KLHL24: variants seen among roughly 807,000 people sequenced by gnomAD.
KLHL24 encodes the protein kelch like family member 24.
Under a neutral mutation model 53.4 loss-of-function variants are expected in KLHL24, and 29 were observed. The ratio of observed to expected loss-of-function variants is 0.54; its 90% CI spans 0.40 to 0.74. The LOEUF is 0.74. KLHL24 is among the 30% of genes least tolerant of loss of function. KLHL24 has a pLI of 0.00. For missense variants in KLHL24, 504 were observed against 744.0 expected, an observed-to-expected ratio of 0.68 and a Z score of 3.75; for synonymous variants, 222 against 253.7, an observed-to-expected ratio of 0.88 and a Z score of 1.19.
At chr3:183,649,580 A>G (rs1576904299) in intron 2 of KLHL24, among the ~76,000 whole-genome samples, 1 of 152,088 alleles carries the variant, frequency 6.6e-6, no homozygotes, top group African/African-American at 2.4e-5. Context: ...AAGGCTATTG[A>G]TAGATATAGC....
Position 183,683,352 on chromosome 3 carries a change from CAG to C in KLHL24, c.*4069_*4070del, listed in dbSNP as rs1013590209. On this transcript the variant is annotated 3_prime_UTR_variant, in exon 8 of 8. Transcript: ENST00000242810. ...AACTCAAGACACCAGTTAACCTCAA[CAG>C]AGTTTTGGCCTTATTAGAATTTGTT... The C allele has an allele frequency of 9.8e-5, 15 of 152,626 alleles. No homozygotes were observed. Among genetic ancestry groups the C allele is most frequent in the African/African-American group, 3.4e-4 (14 of 41,454 alleles). 9.5% of individuals were successfully genotyped at this position (152,626 alleles called of 1,614,324 possible). A position where few individuals can be genotyped will look rare whatever the true frequency, so the allele number is the denominator to read the frequency against.
rs143321770 is a variant in KLHL24 at position 183,654,831 on chromosome 3, G to C, written c.920+3555G>C. On this transcript the variant is annotated intron_variant, in intron 3 of 7. Transcript: ENST00000242810. Reference sequence around the variant, plus strand: ...TGCTTCCTTATGGCATCATTTAGCTGTGTTTCCTGGAAACTGGAAGTTGGT... The same window carrying C: ...TGCTTCCTTATGGCATCATTTAGCTCTGTTTCCTGGAAACTGGAAGTTGGT... Among the ~76,000 whole-genome samples the C allele has an allele frequency of 1.6e-4, 24 of 152,284 alleles. No individual in the cohort carries two copies. The East Asian group carries it at 4.4e-3, about 28-fold the overall frequency.
intron 3 of KLHL24, among the ~76,000 whole-genome samples, chr3:183,662,898 T>A (rs1393737282): frequency 6.6e-6 from 1 of 152,216 alleles, no homozygotes; most frequent in Non-Finnish European, 1.5e-5. Context: ...TGTTAGCCTT[T>A]TTAGTGATTG....
chr3:183,669,863 A>G (rs571277085), intron 5 of KLHL24, among the ~76,000 whole-genome samples: 1 of 152,274 alleles, frequency 6.6e-6, no homozygotes, highest in South Asian at 2.1e-4. Flanking sequence ...AGGAAGGGGT[A>G]TATGTGAAAG....
Position 183,661,308 on chromosome 3 carries a change from A to G in KLHL24, c.921-2150A>G, listed in dbSNP as rs1435460264. ...CATTCACTCTCTAGAAATAGATTAC[A>G]TGGGTGTCCAGAATTTTATTTATGC... On this transcript the variant is annotated intron_variant, in intron 3 of 7. Transcript: ENST00000242810. Among the ~76,000 whole-genome samples, 7 of 152,242 alleles carry G rather than the reference A, an allele frequency of 4.6e-5. No homozygotes were observed. In the South Asian group the frequency reaches 1.2e-3, roughly 27 times the overall value.
intron 2 of KLHL24, chr3:183,644,262 G>A (rs73174014): frequency 0.033 from 5,007 of 151,936 alleles, 121 homozygotes; most frequent in Non-Finnish European, 0.051. Flanking sequence ...GTATAAAATG[G>A]GAAGGCAAAA....
At chr3:183,638,418 A>G (rs1715733660) in intron 1 of KLHL24, among the ~76,000 whole-genome samples, 1 of 148,768 alleles carries the variant, frequency 6.7e-6, no homozygotes, top group South Asian at 2.1e-4. Context: ...AATACTATTA[A>G]TCAAATAAGT....
At chr3:183,638,203 G>T (rs954287224) in intron 1 of KLHL24, among the ~76,000 whole-genome samples, 20 of 152,302 alleles carry the variant, frequency 1.3e-4, no homozygotes, top group Admixed American at 1.2e-3. Flanking sequence ...CTCAGTAAAG[G>T]CTTGCTTATT....
intron 2 of KLHL24, among the ~76,000 whole-genome samples, chr3:183,648,771 G>C (rs1472626406): frequency 1.3e-5 from 2 of 152,146 alleles, no homozygotes; most frequent in African/African-American, 4.8e-5. Flanking sequence ...GGAGGCCAAG[G>C]TGGGCAGATC....
At chr3:183,653,946 C>T (rs773535409) in intron 3 of KLHL24, among the ~76,000 whole-genome samples, 9 of 152,128 alleles carry the variant, frequency 5.9e-5, no homozygotes, top group Non-Finnish European at 1.2e-4. Flanking sequence ...ATTATCTGAA[C>T]AATGTGTATT....
Position 183,650,018 on chromosome 3 carries a change from G to T in KLHL24, c.-61-278G>T, listed in dbSNP as rs937327701. ...AGTATGAAACTCAGCTCTGTAAATGGGGAGGAAACGGAAGGTTATTAGTAA... is the reference window on the plus strand; with the variant it reads ...AGTATGAAACTCAGCTCTGTAAATGTGGAGGAAACGGAAGGTTATTAGTAA... On this transcript the variant is annotated intron_variant, in intron 2 of 7. Coordinates refer to ENST00000242810, the MANE Select transcript of KLHL24 (RefSeq NM_017644.3). This position sits in a 1 kb window ranked among gnomAD's most constrained non-coding sequence, Gnocchi z 4.5. Among the ~76,000 whole-genome samples the T allele has an allele frequency of 6.6e-6, 1 of 152,156 alleles. No individual in the cohort carries two copies. Among genetic ancestry groups the T allele is most frequent in the African/African-American group, 2.4e-5 (1 of 41,440 alleles).
chr3:183,636,033 C>G (rs1285464414), intron 1 of KLHL24, among the ~76,000 whole-genome samples: 1 of 152,114 alleles, frequency 6.6e-6, no homozygotes, highest in Non-Finnish European at 1.5e-5. Context: ...CCTCCTGGCA[C>G]TACGGCCCGG....
intron 1 of KLHL24, among the ~76,000 whole-genome samples, chr3:183,641,167 T>C (rs1716362147): frequency 6.6e-6 from 1 of 152,184 alleles, no homozygotes; most frequent in Non-Finnish European, 1.5e-5. Context: ...GTATAGTACC[T>C]TATTATATAT....
rs758769482 is a variant in KLHL24, at chr3:183,679,244, T to C, written c.1761T>C (p.Cys587=). ...CCAGGCCAGTGTCCTATCATGGCTGTGTGACTATTCATAGATACAATGAGA... is the reference window on the plus strand; with the variant it reads ...CCAGGCCAGTGTCCTATCATGGCTGCGTGACTATTCATAGATACAATGAGA... ...AMPRPVSYHG[C]VTIHRYNEKC... is the part of the protein sequence containing the mutation. The change falls in exon 8 of 8, where the codon TGT becomes TGC. Residue 587 remains cysteine, a synonymous_variant. Coordinates refer to ENST00000242810, the MANE Select transcript of KLHL24 (RefSeq NM_017644.3). 4.3e-6 allele frequency: 7 copies of C among 1,613,984 alleles called. No individual in the cohort carries two copies. Among genetic ancestry groups the C allele is most frequent in the South Asian group, 2.2e-5 (2 of 91,090 alleles).
Position 183,644,029 on chromosome 3 carries a change from CTTTCCTTTTTTTTTTTTT to C in KLHL24, c.-62+491_-62+508del, listed in dbSNP as rs1716860770. ...TTTGAGATGATAGGATAACATTTTTCTTTCCTTTTTTTTTTTTTTTTTTTTTTTTTGAGACGGAGTCTT... is the reference window on the plus strand; with the variant it reads ...TTTGAGATGATAGGATAACATTTTTCTTTTTTTTTTTTGAGACGGAGTCTT... On this transcript the variant is annotated intron_variant, in intron 2 of 7. Transcript: ENST00000242810. 1.8e-4 allele frequency: 17 copies of C among 95,802 alleles called. 1 individual carries two copies. Among genetic ancestry groups the C allele is most frequent in the African/African-American group, 7.2e-4 (17 of 23,580 alleles). 5.9% of individuals were successfully genotyped at this position (95,802 alleles called of 1,614,324 possible). A position where few individuals can be genotyped will look rare whatever the true frequency, so the allele number is the denominator to read the frequency against.
chr3:183,668,738 C>G (rs1268932540), intron 5 of KLHL24, among the ~76,000 whole-genome samples: 3 of 152,160 alleles, frequency 2.0e-5, no homozygotes, highest in Non-Finnish European at 4.4e-5. Flanking sequence ...AACCCTGTCT[C>G]TACAAAAATA....
intron 6 of KLHL24, among the ~76,000 whole-genome samples, chr3:183,672,029 T>C (rs1721397225): frequency 6.6e-6 from 1 of 152,188 alleles, no homozygotes. Context: ...ATTTAGACTG[T>C]TAATTTTAGT....
At chr3:183,657,813 A>G (rs975800790) in intron 3 of KLHL24, among the ~76,000 whole-genome samples, 1 of 152,204 alleles carries the variant, frequency 6.6e-6, no homozygotes, top group African/African-American at 2.4e-5. Flanking sequence ...ATTTTTACAT[A>G]AAGAGTATAC....
At chr3:183,640,982 T>G (rs1376873159) in intron 1 of KLHL24, among the ~76,000 whole-genome samples, 1 of 152,204 alleles carries the variant, frequency 6.6e-6, no homozygotes, top group Non-Finnish European at 1.5e-5. Flanking sequence ...GCTTGAAGGC[T>G]GGGCTTTAAA....
Sources: gnomAD v4.1 joint callset for allele counts (sites outside exome capture counted in the v4.1 genomes callset) on GRCh38, gnomAD v4.1.1 for gene constraint, Gnocchi (gnomAD v3.1) non-coding constraint, MANE v1.5 for transcripts, NCBI Gene and HGNC (gene_info 2026-07-23, HGNC 2026-07-21) for gene names.